Variants in ENOX1 observed in about 807,000 individuals in gnomAD.
The protein encoded by ENOX1 is candidate growth-related and time keeping constitutive hydroquinone (NADH) oxidase.
ENOX1 carries 42 observed loss-of-function variants against 82.5 expected under a neutral mutation model. The observed-to-expected ratio is 0.51, with a 90% CI of 0.40 to 0.66. ENOX1 has a LOEUF of 0.66. ENOX1 is among the 30% of genes least tolerant of loss of function. The pLI, the probability that ENOX1 is intolerant of heterozygous loss-of-function variation, is 0.00. For synonymous variants in ENOX1, 271 were observed against 282.2 expected (o/e 0.96, Z 0.40); for missense variants, 608 against 811.6 (o/e 0.75, Z 3.05).
chr13:43,768,879 A>G (rs1951434510), intron 1 of ENOX1, among the ~76,000 whole-genome samples: 1 of 152,118 alleles, frequency 6.6e-6, no homozygotes, highest in South Asian at 2.1e-4. Flanking sequence ...GGCCATTTAC[A>G]CTTTCAGTCA....
intron 1 of ENOX1, among the ~76,000 whole-genome samples, chr13:43,707,237 AT>A (rs1357506640): frequency 6.6e-6 from 1 of 152,176 alleles, no homozygotes. Flanking sequence ...AAACCAAAAA[AT>A]ATTGAAGAAA....
intron 1 of ENOX1, among the ~76,000 whole-genome samples, chr13:43,689,833 T>C (rs545295201): frequency 1.3e-5 from 2 of 152,298 alleles, no homozygotes; most frequent in East Asian, 3.9e-4. Context: ...TTTTTGCAAT[T>C]TTCCATGCTC....
At chr13:43,561,677 G>T (rs972502175) in intron 2 of ENOX1, among the ~76,000 whole-genome samples, 1 of 152,018 alleles carries the variant, frequency 6.6e-6, no homozygotes, top group Non-Finnish European at 1.5e-5. Flanking sequence ...GAAAAGGGAG[G>T]CCCAAAGGAA....
At chr13:43,302,704 T>C (rs2046648586) in intron 11 of ENOX1, among the ~76,000 whole-genome samples, 1 of 152,212 alleles carries the variant, frequency 6.6e-6, no homozygotes, top group African/African-American at 2.4e-5. Context: ...ATTCTTTATA[T>C]TAATTATGGT....
At chr13:43,642,928 T>C (rs4942242) in intron 2 of ENOX1, among the ~76,000 whole-genome samples, 79,909 of 151,984 alleles carry the variant, frequency 0.53, 21,181 homozygotes, top group Middle Eastern at 0.64. Flanking sequence ...AATATTTGTG[T>C]CCATGATCAT....
At chr13:43,454,076 T>C (rs1470137146) in intron 3 of ENOX1, among the ~76,000 whole-genome samples, 1 of 152,200 alleles carries the variant, frequency 6.6e-6, no homozygotes, top group Non-Finnish European at 1.5e-5. Flanking sequence ...GCATTGTCCA[T>C]GTTGGTTTTA....
At chr13:43,366,426 C>T (rs1479644500) in intron 5 of ENOX1, among the ~76,000 whole-genome samples, 1 of 152,188 alleles carries the variant, frequency 6.6e-6, no homozygotes, top group Non-Finnish European at 1.5e-5. Context: ...AGGCGCCCGC[C>T]ACCATGCCTG....
At chr13:43,744,634 C>T (rs1053540367) in intron 1 of ENOX1, among the ~76,000 whole-genome samples, 8 of 152,214 alleles carry the variant, frequency 5.3e-5, no homozygotes, top group African/African-American at 1.7e-4. Flanking sequence ...TCAATTAAGT[C>T]TTAGCTACAG....
intron 3 of ENOX1, among the ~76,000 whole-genome samples, chr13:43,430,709 A>T (rs1272118928): frequency 1.3e-5 from 2 of 152,258 alleles, no homozygotes; most frequent in Non-Finnish European, 2.9e-5. Context: ...CTTTATATTC[A>T]GTAAATGATA....
intron 1 of ENOX1, among the ~76,000 whole-genome samples, chr13:43,770,850 GA>G (rs1951553791): frequency 6.6e-6 from 1 of 151,976 alleles, no homozygotes; most frequent in Non-Finnish European, 1.5e-5. Flanking sequence ...TTTTGTGGGA[GA>G]AAAATAAGCT....
At chr13:43,625,499 G>A (rs531847193) in intron 2 of ENOX1, among the ~76,000 whole-genome samples, 8 of 151,884 alleles carry the variant, frequency 5.3e-5, no homozygotes, top group East Asian at 1.9e-4. Context: ...GTCATATATC[G>A]AGTTTAAGAA....
intron 1 of ENOX1, among the ~76,000 whole-genome samples, chr13:43,720,992 CAT>C (rs1247851514): frequency 1.3e-5 from 2 of 152,140 alleles, no homozygotes; most frequent in Non-Finnish European, 2.9e-5. Flanking sequence ...GAAATAATGA[CAT>C]AGAAGAAAAG....
intron 2 of ENOX1, among the ~76,000 whole-genome samples, chr13:43,549,778 A>G (rs2079113762): frequency 6.6e-6 from 1 of 152,196 alleles, no homozygotes; most frequent in Non-Finnish European, 1.5e-5. Flanking sequence ...AAAAGAACCC[A>G]GTTCCAACAT....
At chr13:43,584,921 G>A (rs186144796) in intron 2 of ENOX1, among the ~76,000 whole-genome samples, 3 of 152,274 alleles carry the variant, frequency 2.0e-5, no homozygotes, top group East Asian at 1.9e-4. Flanking sequence ...TTACCCCATC[G>A]CAAGCACAAA....
At chr13:43,716,834 T>G (rs1426127652) in intron 1 of ENOX1, among the ~76,000 whole-genome samples, 1 of 148,530 alleles carries the variant, frequency 6.7e-6, no homozygotes, top group Non-Finnish European at 1.5e-5. Flanking sequence ...ACCAAATAGG[T>G]CAAAGATCTC....
chr13:43,415,315 C>T (rs1465236439), intron 3 of ENOX1, among the ~76,000 whole-genome samples: 1 of 133,012 alleles, frequency 7.5e-6, no homozygotes, highest in Non-Finnish European at 1.5e-5. Context: ...GGCAGGGTCA[C>T]AGGATAATAG....
At chr13:43,699,465 T>G (rs570601499) in intron 1 of ENOX1, among the ~76,000 whole-genome samples, 1 of 152,344 alleles carries the variant, frequency 6.6e-6, no homozygotes, top group African/African-American at 2.4e-5. Flanking sequence ...TAAAGAACTT[T>G]TCTCAGGCTT....
intron 14 of ENOX1, among the ~76,000 whole-genome samples, chr13:43,242,911 G>A (rs550353538): frequency 3.7e-4 from 57 of 152,230 alleles, no homozygotes; most frequent in South Asian, 1.0e-3. Context: ...TGAGGCAGGT[G>A]GATCACTTGA....
At chr13:43,313,469 A>C (rs1306673414) in intron 11 of ENOX1, among the ~76,000 whole-genome samples, 1 of 152,206 alleles carries the variant, frequency 6.6e-6, no homozygotes, top group Non-Finnish European at 1.5e-5. Context: ...ATGTCTAGGG[A>C]GTATTCCTCA....
Sources: gnomAD v4.1 joint callset for allele counts (sites outside exome capture counted in the v4.1 genomes callset) on GRCh38, gnomAD v4.1.1 for gene constraint, MANE v1.5 for transcripts, NCBI Gene and HGNC (gene_info 2026-07-23, HGNC 2026-07-21) for gene names.